The following NSD1 variants were observed in gnomAD, a reference collection of about 807,000 sequenced individuals.
NSD1 encodes the protein histone-lysine N-methyltransferase, H3 lysine-36 specific.
NSD1 carries 26 observed loss-of-function variants against 242.7 expected under a neutral mutation model. The observed-to-expected ratio is 0.11, with a 90% CI of 0.08 to 0.15. NSD1 has a LOEUF of 0.15. Among genes scored for constraint, NSD1 ranks in the 10% least tolerant of loss-of-function variants. The pLI is 1.00. For missense variants in NSD1, 2,495 were observed against 3,272.8 expected (o/e 0.76, Z 5.80); for synonymous variants, 1,106 against 1,178.1 (o/e 0.94, Z 1.25).
rs563524603 is a variant in NSD1 at position 177,263,504 on chromosome 5, C to T, written c.5146+3336C>T. 3.5e-4 allele frequency among the ~76,000 whole-genome samples: 53 copies of T among 152,312 alleles called. No homozygotes were observed. The South Asian group carries it at 9.5e-3, about 27-fold the overall frequency. ...ATCGTGTTCTGTATCATCACCTACT[C>T]GCAGTAAAAGCATGGCAGTTTCACC... On this transcript the variant is annotated intron_variant, in intron 14 of 22. Coordinates refer to ENST00000439151, the MANE Select transcript of NSD1 (RefSeq NM_022455.5).
At position 177,257,224 on chromosome 5, in the gene NSD1, C is replaced by CTT. The variant is rs1343529552; in HGVS notation, c.4966+75_4966+76dup. On this transcript the variant is annotated intron_variant, in intron 13 of 22. Transcript: ENST00000439151. ...ATTGGCAACAGATATTTTCTTTTTTCTTTCTTTTTTTTTTTTTTTTTTTGG... is the reference window on the plus strand; with the variant it reads ...ATTGGCAACAGATATTTTCTTTTTTCTTTTTCTTTTTTTTTTTTTTTTTTTGG... 1.5e-3 allele frequency: 1,301 copies of CTT among 895,122 alleles called. 3 individuals carry two copies. The highest frequency in any genetic ancestry group is 3.3e-3 in the Middle Eastern group (10 of 3,012). 55.4% of individuals were successfully genotyped at this position (895,122 alleles called of 1,614,324 possible). A position where few individuals can be genotyped will look rare whatever the true frequency, so the allele number is the denominator to read the frequency against.
At chr5:177,257,835 TTATTTTA>T in intron 13 of NSD1, among the ~76,000 whole-genome samples, 1 of 146,120 alleles carries the variant, frequency 6.8e-6, no homozygotes, top group African/African-American at 2.5e-5. Flanking sequence ...TTATTTTATT[TTATTTTA>T]TTTTTTTTTG....
At chr5:177,215,738 C>T (rs1463669844) in intron 5 of NSD1, among the ~76,000 whole-genome samples, 2 of 152,130 alleles carry the variant, frequency 1.3e-5, no homozygotes, top group Non-Finnish European at 2.9e-5. Flanking sequence ...AGTGATCCTC[C>T]TGCTTCGGCC....
intron 3 of NSD1, among the ~76,000 whole-genome samples, chr5:177,196,725 G>A (rs1332277713): frequency 2.0e-5 from 3 of 152,298 alleles, no homozygotes; most frequent in Middle Eastern, 3.4e-3. Context: ...GAGACAAAAG[G>A]TACATTGAGG....
chr5:177,214,615 C>T (rs967608535), intron 5 of NSD1, among the ~76,000 whole-genome samples: 2 of 150,674 alleles, frequency 1.3e-5, no homozygotes, highest in African/African-American at 4.9e-5. Flanking sequence ...TCACATTTCA[C>T]TTAGCATAAT....
Position 177,134,660 on chromosome 5 carries a change from A to AG in NSD1, c.-17-419dup, listed in dbSNP as rs998655872. Reference sequence around the variant, plus strand: ...ACCGCTGCGCCCTAGCGAGCCAGGAAGGGGGGGGTACCTTTTTGTGCAGGG... The same window carrying AG: ...ACCGCTGCGCCCTAGCGAGCCAGGAAGGGGGGGGGTACCTTTTTGTGCAGGG... On this transcript the variant is annotated intron_variant, in intron 1 of 22. Transcript: ENST00000439151. This position sits in a 1 kb window ranked among gnomAD's most constrained non-coding sequence, Gnocchi z 4.2. Among the ~76,000 whole-genome samples, 47 of 151,828 alleles carry AG rather than the reference A, an allele frequency of 3.1e-4. No individual in the cohort carries two copies. The highest frequency in any genetic ancestry group is 2.9e-3 in the East Asian group (15 of 5,150).
At chr5:177,254,127 T>C (rs1199435071) in intron 12 of NSD1, among the ~76,000 whole-genome samples, 1 of 151,974 alleles carries the variant, frequency 6.6e-6, no homozygotes, top group Non-Finnish European at 1.5e-5. Context: ...TTTGGATTTT[T>C]AGTGGAGACG....
chr5:177,146,256 A>G (rs1757236382), intron 2 of NSD1, among the ~76,000 whole-genome samples: 1 of 141,758 alleles, frequency 7.1e-6, no homozygotes, highest in Non-Finnish European at 1.5e-5. Flanking sequence ...CCCAGGCTAG[A>G]GTGCAGTGGC....
chr5:177,142,374 T>C (rs1426317753), intron 2 of NSD1, among the ~76,000 whole-genome samples: 1 of 152,220 alleles, frequency 6.6e-6, no homozygotes, highest in Non-Finnish European at 1.5e-5. Context: ...TGGCAAAAAC[T>C]AGTGTAAACA....
chr5:177,287,129 T>C (rs1759400304), intron 20 of NSD1, among the ~76,000 whole-genome samples: 1 of 152,248 alleles, frequency 6.6e-6, no homozygotes, highest in Non-Finnish European at 1.5e-5. Context: ...TATTGAACTC[T>C]TTTCTAGAAT....
chr5:177,274,697 T>TGTG (rs1758217147), intron 17 of NSD1, among the ~76,000 whole-genome samples: 3 of 145,352 alleles, frequency 2.1e-5, no homozygotes, highest in African/African-American at 5.1e-5. Context: ...CACTTATCCT[T>TGTG]TGTGTGTGTG....
chr5:177,284,784 T>C (rs1312993701), intron 20 of NSD1, among the ~76,000 whole-genome samples: 3 of 152,222 alleles, frequency 2.0e-5, no homozygotes, highest in Non-Finnish European at 2.9e-5. Context: ...CCATATCTTA[T>C]GGGTTATGGA....
chr5:177,162,872 C>T lies in NSD1; in HGVS notation c.927+26842C>T, dbSNP rs1758871848. ...AGAGATGGGGTTTTGCCATGTTTGC[C>T]CAGGCTGGTCTAGAATTCATGAGCT... is the stretch of plus-strand genomic sequence containing the variant. On this transcript the variant is annotated intron_variant, in intron 2 of 22. Coordinates refer to ENST00000439151, the MANE Select transcript of NSD1 (RefSeq NM_022455.5). 1.3e-5 allele frequency among the ~76,000 whole-genome samples: 2 copies of T among 151,968 alleles called. 1 individual carries two copies. Among genetic ancestry groups the T allele is most frequent in the South Asian group, 4.1e-4 (2 of 4,822 alleles).
chr5:177,165,678 G>A (rs933712756), intron 2 of NSD1, among the ~76,000 whole-genome samples: 1 of 151,826 alleles, frequency 6.6e-6, no homozygotes, highest in Non-Finnish European at 1.5e-5. Context: ...CTACAGCCTC[G>A]ACTTCCCTGG....
At chr5:177,205,737 A>G (rs547358010) in intron 4 of NSD1, among the ~76,000 whole-genome samples, 5 of 151,856 alleles carry the variant, frequency 3.3e-5, no homozygotes, top group East Asian at 1.9e-4. Flanking sequence ...TCTATGATTT[A>G]ATATTCTCTT....
At chr5:177,152,154 C>T (rs1320564161) in intron 2 of NSD1, among the ~76,000 whole-genome samples, 2 of 152,082 alleles carry the variant, frequency 1.3e-5, no homozygotes, top group Non-Finnish European at 2.9e-5. Flanking sequence ...GCCACTGCAC[C>T]TGGCCATGCC....
At position 177,204,264 on chromosome 5, in the gene NSD1, A is replaced by G; in HGVS notation, c.1208A>G (p.Lys403Arg). Residue 403 changes from lysine to arginine, a missense_variant, in exon 4 of 23, where the codon AAA becomes AGA. Transcript: ENST00000439151. Reference sequence around the variant, plus strand: ...CTACCTGTCCTTAGGAGAAGAGGGAAACAGAAAGAAAAAGGATATAGGCAT... The same window carrying G: ...CTACCTGTCCTTAGGAGAAGAGGGAGACAGAAAGAAAAAGGATATAGGCAT... ...EELPVLRRRG[K>R]QKEKGYRHKV... 6.2e-7 allele frequency: 1 copy of G among 1,614,072 alleles called. No homozygotes were observed. Among genetic ancestry groups the G allele is most frequent in the Non-Finnish European group, 8.5e-7 (1 of 1,179,944 alleles).
In NSD1 at chr5:177,172,958, T is replaced by C. The variant is rs1581200535; in HGVS notation, c.928-18926T>C. Among the ~76,000 whole-genome samples, 5 of 111,872 alleles carry C rather than the reference T, an allele frequency of 4.5e-5. 1 individual carries two copies. The highest frequency in any genetic ancestry group is 2.2e-4 in the African/African-American group (5 of 23,058). The allele number at this position is 111,872 out of a possible 152,430, so 73.4% of individuals were successfully genotyped here. On this transcript the variant is annotated intron_variant, in intron 2 of 22. Transcript: ENST00000439151. ...GCCTGGGTAACAGAGCGAGACCCTG[T>C]CTCAAAAAAAAAAAAAAAAAAAAAG... is the stretch of plus-strand genomic sequence containing the variant.
In NSD1 at chr5:177,209,912, A is replaced by G. The variant is rs1763196688; in HGVS notation, c.1513A>G (p.Asn505Asp). 1 of 1,614,202 alleles carries G rather than the reference A, an allele frequency of 6.2e-7. No individual in the cohort carries two copies. Among genetic ancestry groups the G allele is most frequent in the Non-Finnish European group, 8.5e-7 (1 of 1,180,030 alleles). ...ATCTCGAGCCAGAAAGAGCTCTGAT[A>G]ATCCAAAAAGGACTAGTGTGAAAAA... ...AKSRARKSSDNPKRTSVKKGH... is the reference protein window; with the variant it reads ...AKSRARKSSDDPKRTSVKKGH... Residue 505 changes from asparagine to aspartate, a missense_variant, in exon 5 of 23, where the codon AAT becomes GAT. Asn to Asp is a conservative substitution (Grantham distance 23). Transcript: ENST00000439151.
Sources: allele counts gnomAD v4.1 joint callset (sites outside exome capture counted in the v4.1 genomes callset), GRCh38; gene constraint gnomAD v4.1.1; non-coding constraint Gnocchi (gnomAD v3.1); transcripts MANE v1.5; gene names NCBI Gene and HGNC (gene_info 2026-07-23, HGNC 2026-07-21).